Variants in ZNF302 observed in about 807,000 individuals in gnomAD.
ZNF302 encodes zinc finger protein 302, also known as zinc finger protein 327.
A neutral mutation model predicts 10.8 loss-of-function variants in ZNF302; 12 were observed. The ratio of observed to expected loss-of-function variants is 1.11; its 90% CI spans 0.71 to 1.79. The LOEUF (loss-of-function observed/expected upper bound fraction) is 1.79, where lower values mean the gene tolerates loss of function less well. Ranked by LOEUF, ZNF302 falls within the 40% of genes most tolerant of loss-of-function variation. The probability of loss-of-function intolerance (pLI) is 0.00; values close to 1 mark genes in which losing one functional copy is unlikely to be tolerated. For missense variants in ZNF302, 461 were observed against 471.1 expected (o/e 0.98, Z 0.20); for synonymous variants, 178 against 157.5 (o/e 1.13, Z -0.98).
chr19:34,680,748 G>T (rs930240905), intron 2 of ZNF302, among the ~76,000 whole-genome samples: 5 of 152,182 alleles, frequency 3.3e-5, no homozygotes, highest in Non-Finnish European at 5.9e-5. Flanking sequence ...TGGGATATAG[G>T]CAATTAACAC....
At chr19:34,679,813 T>C in intron 2 of ZNF302, 1 of 700,342 alleles carries the variant, frequency 1.4e-6, no homozygotes, top group Non-Finnish European at 2.6e-6. Flanking sequence ...TTTTCTTCTT[T>C]GTTGACTGTT....
At chr19:34,678,682 G>C (rs571879287) in intron 1 of ZNF302, 55 bp from the exon 2 acceptor site, 192 of 1,072,452 alleles carry the variant, frequency 1.8e-4, no homozygotes, top group Non-Finnish European at 2.4e-4. Flanking sequence ...GACAGGTGCC[G>C]CAAGATAAGC....
chr19:34,684,593 A>G lies in ZNF302; in HGVS notation c.556A>G (p.Ser186Gly), dbSNP rs1223679465. 1.9e-6 allele frequency: 3 copies of G among 1,614,094 alleles called. No homozygotes were observed. Among genetic ancestry groups the G allele is most frequent in the African/African-American group, 1.3e-5 (1 of 75,052 alleles). The change falls in exon 5 of 5, where the codon AGC becomes GGC. Residue 186 changes from serine (S) to glycine (G), a missense_variant. Physicochemically the swap from Ser to Gly is moderately conservative, Grantham distance 56. Transcript: ENST00000505242. ...SNKSGAAFNQ[S>G]KSLTLPQTCN... ...TAAAAGTGGGGCAGCCTTCAACCAG[A>G]GCAAATCTCTTACCCTTCCCCAGAC... is the stretch of plus-strand genomic sequence containing the variant.
chr19:34,679,848 C>T, intron 2 of ZNF302: 1 of 702,858 alleles, frequency 1.4e-6, no homozygotes, highest in Non-Finnish European at 2.6e-6. Context: ...CAGAGTGTTA[C>T]CTGGCACCAA....
Position 34,682,821 on chromosome 19 carries a change from G to A in ZNF302, c.54G>A (p.Trp18Ter), listed in dbSNP as rs1244237966. ...DVAIDFSHEE[W>*]ACLDSAQRDL... ...CTATAGACTTCTCTCATGAAGAGTG[G>A]GCATGCCTAGATTCTGCTCAGAGGG... Residue 18 changes from tryptophan (W) to a stop codon, truncating the protein, a stop_gained, in exon 3 of 5, where the codon TGG becomes TGA. Transcript: ENST00000505242. LOFTEE classifies it high-confidence loss of function. 2 of 1,613,584 alleles carry A rather than the reference G, an allele frequency of 1.2e-6. No homozygotes were observed. Among genetic ancestry groups the A allele is most frequent in the Non-Finnish European group, 1.7e-6 (2 of 1,179,714 alleles).
chr19:34,682,480 T>C (rs1163289759), intron 2 of ZNF302: 2 of 259,162 alleles, frequency 7.7e-6, no homozygotes, highest in South Asian at 5.8e-5. Flanking sequence ...ATGTCAAATG[T>C]TGATTTTTAA....
chr19:34,679,515 C>A (rs1053586242), intron 2 of ZNF302, among the ~76,000 whole-genome samples: 1 of 152,238 alleles, frequency 6.6e-6, no homozygotes, highest in Non-Finnish European at 1.5e-5. Flanking sequence ...CTCCTCATTC[C>A]TGTGCGCTCC....
intron 2 of ZNF302, chr19:34,682,046 A>C (rs2068376849): frequency 6.6e-6 from 1 of 152,224 alleles, no homozygotes; most frequent in Non-Finnish European, 1.5e-5. Flanking sequence ...AGAGGCAGGC[A>C]TCTGGCAAGG....
intron 2 of ZNF302, among the ~76,000 whole-genome samples, chr19:34,680,452 A>C (rs1470017334): frequency 4.6e-5 from 7 of 152,194 alleles, no homozygotes; most frequent in African/African-American, 1.7e-4. Flanking sequence ...GGAGAAAATA[A>C]ATTTTAAATT....
At chr19:34,684,218 A>C (rs2068523279) in intron 4 of ZNF302, 34 bp from the exon 5 acceptor site, 1 of 506,130 alleles carries the variant, frequency 2.0e-6, no homozygotes, top group East Asian at 4.2e-5. Context: ...AAAAAAAAAA[A>C]AAGGCAGTGC....
At chr19:34,680,009 TAAGATAA>T (rs2068255479) in intron 2 of ZNF302, 1 of 691,410 alleles carries the variant, frequency 1.4e-6, no homozygotes, top group Non-Finnish European at 2.6e-6. Context: ...ATGGAATAAT[TAAGATAA>T]TTAGAATTGA....
At chr19:34,683,063 C>T (rs1175949649) in intron 3 of ZNF302, 92 bp from the exon 4 acceptor site, 1 of 1,578,402 alleles carries the variant, frequency 6.3e-7, no homozygotes, top group African/African-American at 1.4e-5. Context: ...TTTCAGTGAA[C>T]ACCCTTCATC....
rs1023600290 is a variant in ZNF302 at position 34,685,232 on chromosome 19, G to T, written c.1195G>T (p.Val399Phe). ...SIHTEEKPFE[V>F] ...TCATACTGAAGAAAAACCGTTTGAA[G>T]TTTAGAAATGCAGGAAATCCTTCAA... Residue 399 changes from valine to phenylalanine, a missense_variant, in exon 5 of 5, where the codon GTT (valine) becomes TTT (phenylalanine). Transcript: ENST00000505242. The T allele has an allele frequency of 2.5e-6, 4 of 1,612,836 alleles. No homozygotes were observed. In the African/African-American group the frequency reaches 4.0e-5, roughly 16 times the overall value.
At position 34,684,829 on chromosome 19, in the gene ZNF302, G is replaced by A; in HGVS notation, c.792G>A (p.Lys264=). ...CTTACAAATGCATTGAATGTGGGAA[G>A]GCCTTTAGCCATGGCTCATCACTTA... is the stretch of plus-strand genomic sequence containing the variant. The part of the protein sequence containing the change: ...EKPYKCIECG[K]AFSHGSSLTN... Residue 264 remains lysine (K), a synonymous_variant, in exon 5 of 5, where the codon AAG becomes AAA. Coordinates refer to ENST00000505242, the MANE Select transcript of ZNF302 (RefSeq NM_001289187.2). 6.2e-7 allele frequency: 1 copy of A among 1,613,896 alleles called. No homozygotes were observed. Among genetic ancestry groups the A allele is most frequent in the African/African-American group, 1.3e-5 (1 of 75,034 alleles).
At chr19:34,676,619 G>A (rs568892811), upstream of ZNF302, 3 of 152,166 alleles carry the variant, frequency 2.0e-5, no homozygotes, top group African/African-American at 7.2e-5. Flanking sequence ...CTCTCCCATG[G>A]ATTTTTTCTT....
chr19:34,683,878 A>G lies in ZNF302; in HGVS notation c.215-374A>G. The G allele has an allele frequency of 4.3e-6, 4 of 930,598 alleles. No homozygotes were observed. In the East Asian group the frequency reaches 1.2e-4, roughly 29 times the overall value. 57.6% of individuals were successfully genotyped at this position (930,598 alleles called of 1,614,324 possible). A position where few individuals can be genotyped will look rare whatever the true frequency, so the allele number is the denominator to read the frequency against. On this transcript the variant is annotated intron_variant, in intron 4 of 4. Transcript: ENST00000505242. ...AAAAAAAGGCTATGAAACAAAATGC[A>G]ACCTTTCCCACATGAATATAGGCAC... is the stretch of plus-strand genomic sequence containing the variant.
upstream of ZNF302, chr19:34,677,218 G>T (rs183917950): frequency 6.6e-6 from 1 of 151,714 alleles, no homozygotes; most frequent in East Asian, 1.9e-4. Context: ...GGTTTGGGAT[G>T]AGAGGAGCCC....
chr19:34,682,637 A>C, intron 2 of ZNF302, 140 bp from the exon 3 acceptor site: 2 of 1,264,584 alleles, frequency 1.6e-6, no homozygotes, highest in Non-Finnish European at 2.2e-6. Context: ...ATTATTACTT[A>C]CCTGACATCA....
At chr19:34,676,377 G>C (rs1015641161), upstream of ZNF302, 1 of 152,194 alleles carries the variant, frequency 6.6e-6, no homozygotes, top group African/African-American at 2.4e-5. Flanking sequence ...GCCATGGTAA[G>C]GTTCAGAAGT....
Sources: allele counts gnomAD v4.1 joint callset (sites outside exome capture counted in the v4.1 genomes callset), GRCh38; gene constraint gnomAD v4.1.1; transcripts MANE v1.5; gene names NCBI Gene and HGNC (gene_info 2026-07-23, HGNC 2026-07-21).